MPP7: variants seen among roughly 807,000 people sequenced by gnomAD.
The protein encoded by MPP7 is MAGUK p55 subfamily member 7.
MPP7 carries 60 observed loss-of-function variants against 76.5 expected under a neutral mutation model. The ratio of observed to expected loss-of-function variants is 0.78; its 90% CI spans 0.64 to 0.97. The LOEUF (loss-of-function observed/expected upper bound fraction) is 0.97, where lower values mean the gene tolerates loss of function less well. MPP7 is among the 50% of genes least tolerant of loss of function. MPP7 has a pLI of 0.00. For missense variants in MPP7, 641 were observed against 694.0 expected, an observed-to-expected ratio of 0.92 and a Z score of 0.86; for synonymous variants, 237 against 244.5, an observed-to-expected ratio of 0.97 and a Z score of 0.29.
chr10:28,225,190 C>T (rs983933077), intron 2 of MPP7, among the ~76,000 whole-genome samples: 6 of 152,080 alleles, frequency 3.9e-5, no homozygotes, highest in African/African-American at 1.4e-4. Context: ...GGATCAACAA[C>T]CTAAATATTT....
intron 13 of MPP7, 123 bp from the exon 14 acceptor site, chr10:28,059,866 G>T: frequency 1.5e-6 from 1 of 662,894 alleles, no homozygotes; most frequent in Non-Finnish European, 2.6e-6. Flanking sequence ...TATTTAAAAA[G>T]CAAATTAGCT....
At chr10:28,069,689 T>C in intron 13 of MPP7, 83 bp downstream of exon 13, 1 of 1,175,846 alleles carries the variant, frequency 8.5e-7, no homozygotes, top group Non-Finnish European at 1.2e-6. Context: ...AAAAACAAGT[T>C]AAAAATTTTT....
chr10:28,109,848 C>CAAAAAAAAAAAAAAAAAAA (rs869206744), intron 11 of MPP7, among the ~76,000 whole-genome samples: 1 of 19,220 alleles, frequency 5.2e-5, no homozygotes, highest in African/African-American at 2.5e-4. Context: ...GCCGCAGACG[C>CAAAAAAAAAAAAAAAAAAA]AAAAAAAAAA....
Position 28,226,257 on chromosome 10 carries a change from AT to A in MPP7, c.37+12310del, listed in dbSNP as rs34909406. ...GGAGGGAGAGGGACAGGTAAAGTTA[AT>A]TTTTTTTTTTTTGAGCCCCACTCTG... is the stretch of plus-strand genomic sequence containing the variant. On this transcript the variant is annotated intron_variant, in intron 2 of 16. Coordinates refer to ENST00000683449, the MANE Select transcript of MPP7 (RefSeq NM_001318170.2). 8.0e-3 allele frequency among the ~76,000 whole-genome samples: 1,175 copies of A among 147,150 alleles called. 12 individuals carry two copies. Among genetic ancestry groups the A allele is most frequent in the African/African-American group, 0.025 (1,014 of 40,372 alleles).
chr10:28,161,148 A>G (rs1401552869), intron 3 of MPP7, among the ~76,000 whole-genome samples: 1 of 152,180 alleles, frequency 6.6e-6, no homozygotes, highest in African/African-American at 2.4e-5. Context: ...CACTATTTCA[A>G]AATCGTCCTT....
intron 2 of MPP7, among the ~76,000 whole-genome samples, chr10:28,328,681 A>G (rs1589050071): frequency 6.6e-6 from 1 of 151,326 alleles, no homozygotes; most frequent in East Asian, 1.9e-4. Flanking sequence ...TTATAACTAT[A>G]TTGATTCATG....
intron 2 of MPP7, among the ~76,000 whole-genome samples, chr10:28,318,896 A>G (rs532948646): frequency 5.9e-5 from 9 of 152,338 alleles, no homozygotes; most frequent in African/African-American, 2.2e-4. Context: ...TATAACTTCT[A>G]TTTGTGAAAG....
chr10:28,118,966 A>G (rs1206787967), intron 11 of MPP7: 1 of 985,338 alleles, frequency 1.0e-6, no homozygotes, highest in Non-Finnish European at 1.2e-6. Context: ...ACCTAGAACC[A>G]TGAAACATCT....
chr10:28,158,970 A>T (rs1479057907), intron 3 of MPP7, among the ~76,000 whole-genome samples: 1 of 152,138 alleles, frequency 6.6e-6, no homozygotes. Flanking sequence ...GAGTAGGGGT[A>T]AAAGGAGAAC....
intron 2 of MPP7, among the ~76,000 whole-genome samples, chr10:28,222,703 T>A (rs1374049230): frequency 6.6e-6 from 1 of 151,448 alleles, no homozygotes; most frequent in African/African-American, 2.4e-5. Context: ...ATACAAAAAA[T>A]TAGCCAGGCG....
rs1225789835 is a variant in MPP7, at chr10:28,313,886, G to T, written c.-132+16043C>A. 1.1e-3 allele frequency among the ~76,000 whole-genome samples: 57 copies of T among 52,222 alleles called. 1 individual carries two copies. The highest frequency in any genetic ancestry group is 2.7e-3 in the East Asian group (5 of 1,820). 34.3% of individuals were successfully genotyped at this position (52,222 alleles called of 152,430 possible). On this transcript the variant is annotated intron_variant, in intron 2 of 11. Coordinates refer to the MPP7 transcript ENST00000441595. ...TTTTTTATTTTTTTTATTTTTTTTT[G>T]GTAGAGACAGGGTTTTGCCATGTTG...
chr10:28,162,052 G>A (rs554464540), intron 3 of MPP7, among the ~76,000 whole-genome samples: 53 of 152,216 alleles, frequency 3.5e-4, no homozygotes, highest in African/African-American at 9.2e-4. Flanking sequence ...TCTGAAATCC[G>A]GCTGAAGTTT....
chr10:28,173,298 T>C (rs10508734), intron 3 of MPP7, among the ~76,000 whole-genome samples: 92,041 of 151,430 alleles, frequency 0.61, 29,189 homozygotes, highest in Middle Eastern at 0.76. Context: ...AGATCTACCA[T>C]TACTACGGAT....
At chr10:28,088,724 C>T (rs905033268) in intron 12 of MPP7, among the ~76,000 whole-genome samples, 12 of 152,162 alleles carry the variant, frequency 7.9e-5, no homozygotes, top group Non-Finnish European at 1.2e-4. Context: ...AAATATCTCT[C>T]GCTACATTTT....
intron 3 of MPP7, 126 bp from the exon 4 acceptor site, chr10:28,150,185 T>C: frequency 6.0e-6 from 4 of 666,290 alleles, no homozygotes; most frequent in South Asian, 1.9e-5. Context: ...TTATGACATA[T>C]TACACACATG....
At position 28,112,367 on chromosome 10, in the gene MPP7, G is replaced by C. The variant is rs535430277; in HGVS notation, c.952+7284C>G. 2.0e-3 allele frequency among the ~76,000 whole-genome samples: 310 copies of C among 152,012 alleles called. 1 individual carries two copies. The highest frequency in any genetic ancestry group is 3.4e-3 in the Non-Finnish European group (233 of 67,980). On this transcript the variant is annotated intron_variant, in intron 11 of 16. Coordinates refer to ENST00000683449, the MANE Select transcript of MPP7 (RefSeq NM_001318170.2). ...TACTACACCCTCGATTAAAGACTTA[G>C]CGCCATGGAAATCAAATGATAAAAG... is the stretch of plus-strand genomic sequence containing the variant.
intron 1 of MPP7, among the ~76,000 whole-genome samples, chr10:28,299,992 C>T (rs1030570588): frequency 3.3e-5 from 5 of 152,044 alleles, no homozygotes; most frequent in Non-Finnish European, 7.4e-5. Context: ...TGGTCTCAAT[C>T]TCCTGACCTT....
chr10:28,256,450 A>T (rs1416318288), intron 1 of MPP7, among the ~76,000 whole-genome samples: 1 of 152,270 alleles, frequency 6.6e-6, no homozygotes, highest in African/African-American at 2.4e-5. Context: ...CTGCAGACAT[A>T]ATTCACACAG....
intron 2 of MPP7, among the ~76,000 whole-genome samples, chr10:28,208,512 G>A (rs1464069184): frequency 6.6e-6 from 1 of 152,174 alleles, no homozygotes; most frequent in Admixed American, 6.5e-5. Flanking sequence ...CCATGGGCGT[G>A]TCACTAAAAC....
Sources: allele counts gnomAD v4.1 joint callset (sites outside exome capture counted in the v4.1 genomes callset), GRCh38; gene constraint gnomAD v4.1.1; transcripts MANE v1.5; gene names NCBI Gene and HGNC (gene_info 2026-07-23, HGNC 2026-07-21).